The following ANXA8 variants were observed in gnomAD, a reference collection of about 807,000 sequenced individuals.
ANXA8 encodes the protein VAC-beta.
In ANXA8, 9 loss-of-function variants were observed where a neutral mutation model predicts 26.8. The observed-to-expected ratio is 0.34, with a 90% confidence interval of 0.20 to 0.59. The LOEUF is 0.59. Ranked by LOEUF, ANXA8 falls within the 20% of genes least tolerant of loss-of-function variation. The pLI, the probability that ANXA8 is intolerant of heterozygous loss-of-function variation, is 0.84. For missense variants in ANXA8, 83 were observed against 238.5 expected (o/e 0.35, Z 4.29); for synonymous variants, 39 against 94.8 (o/e 0.41, Z 3.42).
the ANXA8 span, among the ~76,000 whole-genome samples, chr10:47,743,319 T>TATATATACAC: frequency 4.3e-3 from 197 of 45,818 alleles, 15 homozygotes; most frequent in South Asian, 6.1e-3. Flanking sequence ...TATACACATA[T>TATATATACAC]ATATATATAC....
chr10:47,591,259 C>T, the ANXA8 span, among the ~76,000 whole-genome samples: 1 of 144,670 alleles, frequency 6.9e-6, no homozygotes, highest in Non-Finnish European at 1.5e-5. Context: ...ATCCTTCAAT[C>T]CTCCCCTGAC....
At chr10:47,686,119 A>G in the ANXA8 span, among the ~76,000 whole-genome samples, 1 of 151,616 alleles carries the variant, frequency 6.6e-6, no homozygotes, top group African/African-American at 2.4e-5. Flanking sequence ...CTAAGAGCCT[A>G]CGAAAAATGC....
chr10:47,587,229 G>A, the ANXA8 span, among the ~76,000 whole-genome samples: 66 of 148,412 alleles, frequency 4.4e-4, no homozygotes, highest in African/African-American at 1.5e-3. Flanking sequence ...AAAAATTCCT[G>A]GAAATGGATT....
At chr10:47,498,977 C>T in the ANXA8 span, among the ~76,000 whole-genome samples, 2 of 138,770 alleles carry the variant, frequency 1.4e-5, no homozygotes, top group Non-Finnish European at 3.0e-5. Context: ...TGGCAGGCGC[C>T]TGTAATCCCA....
the ANXA8 span, among the ~76,000 whole-genome samples, chr10:47,702,156 A>G: frequency 2.7e-5 from 4 of 149,186 alleles, no homozygotes; most frequent in Admixed American, 6.7e-5. Context: ...TTATAAACTG[A>G]GGATTTTTAA....
At chr10:47,533,225 C>CACACACACACACACA in the ANXA8 span, among the ~76,000 whole-genome samples, 18 of 98,544 alleles carry the variant, frequency 1.8e-4, no homozygotes, top group African/African-American at 5.4e-4. Flanking sequence ...ACACACACAC[C>CACACACACACACACA]CCCGCAGACA....
At chr10:47,932,322 C>T in the ANXA8 span, among the ~76,000 whole-genome samples, 1 of 150,584 alleles carries the variant, frequency 6.6e-6, no homozygotes, top group Non-Finnish European at 1.5e-5. Flanking sequence ...GCAGGGAGGC[C>T]CATCTGTGGG....
chr10:47,503,964 A>G, the ANXA8 span, among the ~76,000 whole-genome samples: 1 of 112,064 alleles, frequency 8.9e-6, no homozygotes, highest in Non-Finnish European at 1.8e-5. Flanking sequence ...AAAAAAAAAA[A>G]AAGATACATT....
chr10:47,614,124 C>T, the ANXA8 span, among the ~76,000 whole-genome samples: 3 of 74,586 alleles, frequency 4.0e-5, 1 homozygote, highest in African/African-American at 1.2e-4. Context: ...CACTTTTACG[C>T]AGCCCCTACT....
the ANXA8 span, among the ~76,000 whole-genome samples, chr10:47,776,983 C>T: frequency 1.3e-5 from 2 of 151,872 alleles, no homozygotes; most frequent in Non-Finnish European, 2.9e-5. Flanking sequence ...GAGGAAGGCT[C>T]GCCCCTCTGG....
the ANXA8 span, among the ~76,000 whole-genome samples, chr10:47,702,401 C>G: frequency 6.7e-6 from 1 of 149,118 alleles, no homozygotes; most frequent in Non-Finnish European, 1.5e-5. Context: ...AGTGCAGTGG[C>G]GTGATCTTGG....
chr10:47,474,697 G>A (rs1454987341), intron 7 of ANXA8, among the ~76,000 whole-genome samples: 4 of 85,898 alleles, frequency 4.7e-5, no homozygotes, highest in Non-Finnish European at 4.6e-5. Context: ...GGGGCCTAGC[G>A]CCCCCGGGTT....
the ANXA8 span, chr10:47,565,829 A>G: frequency 1.1e-3 from 1,325 of 1,245,150 alleles, 16 homozygotes; most frequent in Admixed American, 0.034. Context: ...GGGAGGCAGC[A>G]AGGGCTGAGC....
the ANXA8 span, among the ~76,000 whole-genome samples, chr10:47,509,974 G>A: frequency 7.0e-6 from 1 of 142,404 alleles, no homozygotes; most frequent in East Asian, 2.8e-4. Flanking sequence ...TTCTGGGTTT[G>A]CTTCTTTGCT....
At chr10:47,687,509 C>G in the ANXA8 span, among the ~76,000 whole-genome samples, 1 of 151,832 alleles carries the variant, frequency 6.6e-6, no homozygotes. Context: ...AGGTGATCCT[C>G]CCGCTTCGGC....
At chr10:47,622,194 C>T in the ANXA8 span, among the ~76,000 whole-genome samples, 15 of 112,798 alleles carry the variant, frequency 1.3e-4, 1 homozygote, top group South Asian at 5.6e-4. Context: ...CTATAGTGTG[C>T]ATGGTACATG....
At chr10:47,778,896 AC>A in the ANXA8 span, among the ~76,000 whole-genome samples, 1 of 113,360 alleles carries the variant, frequency 8.8e-6, no homozygotes, top group East Asian at 3.4e-4. Flanking sequence ...ATTTCTGCCT[AC>A]ATTATGATAT....
the ANXA8 span, among the ~76,000 whole-genome samples, chr10:47,665,513 T>C: frequency 1.3e-5 from 2 of 150,976 alleles, no homozygotes; most frequent in African/African-American, 5.0e-5. Flanking sequence ...TATATATTCA[T>C]ACTCATTATT....
chr10:47,686,033 C>T, the ANXA8 span, among the ~76,000 whole-genome samples: 4 of 150,242 alleles, frequency 2.7e-5, no homozygotes, highest in East Asian at 1.9e-4. Flanking sequence ...GGGAATGACT[C>T]GGGGACTTTA....
Sources: allele counts gnomAD v4.1 joint callset (sites outside exome capture counted in the v4.1 genomes callset), GRCh38; gene constraint gnomAD v4.1.1; transcripts MANE v1.5; gene names NCBI Gene and HGNC (gene_info 2026-07-23, HGNC 2026-07-21).